Variants in ADPGK observed in about 807,000 individuals in gnomAD.
ADPGK encodes ADP-dependent glucokinase.
In ADPGK, 26 loss-of-function variants were observed where a neutral mutation model predicts 42.4. That is an observed-to-expected ratio of 0.61 (90% CI 0.45 to 0.85). The LOEUF (loss-of-function observed/expected upper bound fraction) is 0.85. Among genes scored for constraint, ADPGK ranks in the 40% least tolerant of loss-of-function variants. The pLI, the probability that ADPGK is intolerant of heterozygous loss-of-function variation, is 0.00. For missense variants in ADPGK, 571 were observed against 627.0 expected, an observed-to-expected ratio of 0.91 and a Z score of 0.95; for synonymous variants, 267 against 252.6, an observed-to-expected ratio of 1.06 and a Z score of -0.54.
At chr15:72,760,367 CTT>C (rs1214844204) in intron 4 of ADPGK, 38 bp downstream of exon 4, 7 of 1,564,440 alleles carry the variant, frequency 4.5e-6, no homozygotes, top group Non-Finnish European at 6.1e-6. Context: ...TACACAGCCC[CTT>C]GACTGGTCTT....
At chr15:72,764,458 G>T (rs2066233215) in intron 3 of ADPGK, among the ~76,000 whole-genome samples, 1 of 152,208 alleles carries the variant, frequency 6.6e-6, no homozygotes, top group Admixed American at 6.5e-5. Context: ...TTCTATGAAG[G>T]CTGAGAGAGG....
intron 2 of ADPGK, among the ~76,000 whole-genome samples, chr15:72,774,131 C>T (rs2066360991): frequency 6.6e-6 from 1 of 152,228 alleles, no homozygotes; most frequent in African/African-American, 2.4e-5. Flanking sequence ...GCGTGAGCCA[C>T]TGTGCCCGGC....
chr15:72,760,276 G>GA, intron 4 of ADPGK, 131 bp downstream of exon 4: 1 of 1,237,910 alleles, frequency 8.1e-7, no homozygotes, highest in Non-Finnish European at 1.1e-6. Context: ...AATAGGTCAG[G>GA]AAACTTTCAG....
intron 3 of ADPGK, among the ~76,000 whole-genome samples, chr15:72,764,184 G>A (rs1239809743): frequency 6.6e-6 from 1 of 152,212 alleles, no homozygotes; most frequent in Non-Finnish European, 1.5e-5. Flanking sequence ...AAGGCATGTA[G>A]AAAGCTGAGT....
chr15:72,755,416 A>G, intron 6 of ADPGK, 140 bp downstream of exon 6: 1 of 619,718 alleles, frequency 1.6e-6, no homozygotes, highest in Non-Finnish European at 2.9e-6. Context: ...TTGGATCTCC[A>G]TGGACTTGGG....
intron 3 of ADPGK, among the ~76,000 whole-genome samples, chr15:72,769,034 G>A (rs1055435640): frequency 2.7e-5 from 4 of 150,888 alleles, no homozygotes; most frequent in African/African-American, 9.7e-5. Flanking sequence ...TACAAGGCCA[G>A]TATTGCCCTG....
chr15:72,756,294 A>G lies in ADPGK; in HGVS notation c.797T>C (p.Met266Thr). 6.2e-7 allele frequency: 1 copy of G among 1,614,162 alleles called. No homozygotes were observed. The highest frequency in any genetic ancestry group is 8.5e-7 in the Non-Finnish European group (1 of 1,180,026). Residue 266 changes from methionine (M) to threonine (T), a missense_variant, in exon 5 of 7, where the codon ATG (methionine) becomes ACG (threonine). Coordinates refer to ENST00000456471, the MANE Select transcript of ADPGK (RefSeq NM_001365225.1). ...CTGGAGCTCCTTGCTTTGTCCCTCC[A>G]TCATGTGCAATCCAGAGAGGACCAC... The part of the protein sequence containing the change: ...DLVVLSGLHM[M>T]EGQSKELQRK...
chr15:72,765,463 G>A (rs2066246909), intron 3 of ADPGK, among the ~76,000 whole-genome samples: 1 of 152,144 alleles, frequency 6.6e-6, no homozygotes, highest in Admixed American at 6.5e-5. Context: ...ATTTTGTCAA[G>A]TCTATTATTT....
chr15:72,775,411 G>A (rs150901470), intron 1 of ADPGK, among the ~76,000 whole-genome samples: 1 of 152,294 alleles, frequency 6.6e-6, no homozygotes, highest in Non-Finnish European at 1.5e-5. Context: ...TGAGAAAAAC[G>A]CTGGCAGAGC....
chr15:72,778,455 GAAGAC>G (rs2066416560), intron 1 of ADPGK, among the ~76,000 whole-genome samples: 1 of 152,098 alleles, frequency 6.6e-6, no homozygotes, highest in Non-Finnish European at 1.5e-5. Context: ...TAAAGAATCA[GAAGAC>G]AAAATTATGC....
intron 1 of ADPGK, 87 bp from the exon 2 acceptor site, chr15:72,775,184 C>A (rs1330268838): frequency 1.7e-6 from 2 of 1,145,532 alleles, no homozygotes; most frequent in Non-Finnish European, 2.5e-6. Context: ...TTTCTCAGAA[C>A]CTTATTCAAC....
chr15:72,780,850 C>T (rs61311866), intron 1 of ADPGK, among the ~76,000 whole-genome samples: 18,231 of 152,134 alleles, frequency 0.12, 1,836 homozygotes, highest in East Asian at 0.51. Context: ...TTTCTTTACT[C>T]CACCACATCC....
chr15:72,773,435 T>C (rs2066352855), intron 2 of ADPGK, among the ~76,000 whole-genome samples: 1 of 152,266 alleles, frequency 6.6e-6, no homozygotes, highest in African/African-American at 2.4e-5. Flanking sequence ...CTTGGGAAAA[T>C]AGTAAGATAT....
At chr15:72,752,955 T>TA (rs760988400) in intron 6 of ADPGK, 60 bp from the exon 7 acceptor site, 144 of 1,492,668 alleles carry the variant, frequency 9.6e-5, no homozygotes, top group Non-Finnish European at 1.2e-4. Flanking sequence ...TAAGATGTCT[T>TA]ATGACACAGC....
chr15:72,776,822 A>C (rs1566963721), intron 1 of ADPGK, among the ~76,000 whole-genome samples: 1 of 152,222 alleles, frequency 6.6e-6, no homozygotes, highest in Non-Finnish European at 1.5e-5. Flanking sequence ...TTGCCTATCA[A>C]ATAGCATTTA....
intron 1 of ADPGK, among the ~76,000 whole-genome samples, chr15:72,778,211 T>G (rs1336963309): frequency 6.6e-6 from 1 of 152,234 alleles, no homozygotes; most frequent in African/African-American, 2.4e-5. Flanking sequence ...ATGGCACCAC[T>G]GCTCTTCAGC....
At position 72,752,802 on chromosome 15, in the gene ADPGK, AAG is replaced by A. The variant is rs1299138312; in HGVS notation, c.1031_1032del (p.Ser344PhefsTer7). On this transcript the variant is annotated frameshift_variant, in exon 7 of 7. Coordinates refer to ENST00000456471, the MANE Select transcript of ADPGK (RefSeq NM_001365225.1). LOFTEE classifies it high-confidence loss of function. Reference protein sequence around the residue: ...QSASGPHSSLSSWNGVPDVGM... With the variant: ...QSASGPHSSLXSWNGVPDVGM... ...CCCACATCAGGAACACCGTTCCAGG[AAG>A]AGAGAGAAGAGTGAGGTCCAGAGGC... 6.2e-7 allele frequency: 1 copy of A among 1,614,128 alleles called. No individual in the cohort carries two copies. The highest frequency in any genetic ancestry group is 8.5e-7 in the Non-Finnish European group (1 of 1,180,060).
At chr15:72,783,385 G>A in intron 1 of ADPGK, 74 bp downstream of exon 1, 2 of 1,312,322 alleles carry the variant, frequency 1.5e-6, no homozygotes, top group Non-Finnish European at 1.9e-6. Context: ...GAGAAGCCCT[G>A]TTTCTGCGCG....
chr15:72,756,027 T>C (rs1039584663), intron 5 of ADPGK: 3 of 693,908 alleles, frequency 4.3e-6, no homozygotes, highest in Non-Finnish European at 7.9e-6. Context: ...ATGCAGAGGC[T>C]CAGGCAAGAA....
Sources: allele counts gnomAD v4.1 joint callset (sites outside exome capture counted in the v4.1 genomes callset), GRCh38; gene constraint gnomAD v4.1.1; transcripts MANE v1.5; gene names NCBI Gene and HGNC (gene_info 2026-07-23, HGNC 2026-07-21).